The following LDLRAD3 variants were observed in gnomAD, a reference collection of about 807,000 sequenced individuals.
LDLRAD3 encodes low-density lipoprotein receptor class A domain-containing protein 3.
LDLRAD3 carries 20 observed loss-of-function variants against 29.4 expected under a neutral mutation model. The ratio of observed to expected loss-of-function variants is 0.68; its 90% confidence interval spans 0.48 to 0.99. The LOEUF (loss-of-function observed/expected upper bound fraction) is 0.99. LDLRAD3 is among the 50% of genes least tolerant of loss of function. The pLI, the probability that LDLRAD3 is intolerant of heterozygous loss-of-function variation, is 0.00. For synonymous variants in LDLRAD3, 157 were observed against 192.7 expected, an observed-to-expected ratio of 0.81 and a Z score of 1.53; for missense variants, 420 against 454.3, an observed-to-expected ratio of 0.92 and a Z score of 0.69.
At chr11:36,129,059 G>T (rs1245406221) in intron 4 of LDLRAD3, among the ~76,000 whole-genome samples, 1 of 152,100 alleles carries the variant, frequency 6.6e-6, no homozygotes, top group Non-Finnish European at 1.5e-5. Flanking sequence ...CTCAATACTA[G>T]ATTTGATGTT....
At chr11:36,015,773 C>T (rs955818415) in intron 1 of LDLRAD3, among the ~76,000 whole-genome samples, 4 of 152,076 alleles carry the variant, frequency 2.6e-5, no homozygotes, top group East Asian at 1.9e-4. Flanking sequence ...TAGTTTCCAC[C>T]TCATCTTCCA....
At chr11:36,047,098 C>T (rs1349517394) in intron 2 of LDLRAD3, among the ~76,000 whole-genome samples, 1 of 152,168 alleles carries the variant, frequency 6.6e-6, no homozygotes, top group Admixed American at 6.5e-5. Context: ...ACCAGCTCTC[C>T]ACTCTCCAGC....
chr11:36,080,387 A>T (rs1043012300), intron 2 of LDLRAD3, among the ~76,000 whole-genome samples: 3 of 152,226 alleles, frequency 2.0e-5, no homozygotes, highest in Non-Finnish European at 4.4e-5. Context: ...TTTGTGCAGC[A>T]TGAGTGGAAG....
At chr11:36,200,138 C>T (rs1166446081) in intron 4 of LDLRAD3, among the ~76,000 whole-genome samples, 1 of 151,972 alleles carries the variant, frequency 6.6e-6, no homozygotes. Context: ...TGCATTTCAG[C>T]CTGGGTGACA....
At position 36,060,508 on chromosome 11, in the gene LDLRAD3, A is replaced by G. The variant is rs533896406; in HGVS notation, c.194-21145A>G. On this transcript the variant is annotated intron_variant, in intron 2 of 5. Coordinates refer to ENST00000315571, the MANE Select transcript of LDLRAD3 (RefSeq NM_174902.4). ...ACCACAGTGCTTGTTGAGGAAATGA[A>G]TGTGGAATTTGAATGATGAATTCAC... is the stretch of plus-strand genomic sequence containing the variant. 2.6e-5 allele frequency among the ~76,000 whole-genome samples: 4 copies of G among 152,178 alleles called. No homozygotes were observed. In the South Asian group the frequency reaches 6.2e-4, roughly 24 times the overall value.
intron 1 of LDLRAD3, among the ~76,000 whole-genome samples, chr11:35,947,499 T>TAA (rs1233988292): frequency 7.3e-6 from 1 of 136,206 alleles, no homozygotes; most frequent in Non-Finnish European, 1.6e-5. Flanking sequence ...CTGCCTCAAT[T>TAA]AAAAAAAAAA....
At chr11:36,217,085 G>C (rs1421161821) in intron 4 of LDLRAD3, among the ~76,000 whole-genome samples, 1 of 152,174 alleles carries the variant, frequency 6.6e-6, no homozygotes, top group Non-Finnish European at 1.5e-5. Flanking sequence ...AAGAAGAAGG[G>C]AAATTGTGTA....
intron 2 of LDLRAD3, among the ~76,000 whole-genome samples, chr11:36,075,504 T>A (rs1852983267): frequency 6.6e-6 from 1 of 152,166 alleles, no homozygotes; most frequent in Non-Finnish European, 1.5e-5. Context: ...TTCTCCACTG[T>A]CAAGTTACTA....
chr11:35,951,852 C>T (rs1316203261), intron 1 of LDLRAD3, among the ~76,000 whole-genome samples: 1 of 152,210 alleles, frequency 6.6e-6, no homozygotes, highest in Non-Finnish European at 1.5e-5. Context: ...CAAGTTTACC[C>T]AGGCACTGCC....
chr11:36,151,937 T>C (rs1432791245), intron 4 of LDLRAD3, among the ~76,000 whole-genome samples: 1 of 152,178 alleles, frequency 6.6e-6, no homozygotes, highest in Non-Finnish European at 1.5e-5. Context: ...CCCAACACTT[T>C]AGCTGGATGA....
chr11:36,083,698 T>G (rs1853150704), intron 3 of LDLRAD3, among the ~76,000 whole-genome samples: 1 of 151,482 alleles, frequency 6.6e-6, no homozygotes, highest in Non-Finnish European at 1.5e-5. Context: ...CTCTGCTTCC[T>G]GCTGTCCATG....
intron 4 of LDLRAD3, among the ~76,000 whole-genome samples, chr11:36,212,288 C>A (rs1855293063): frequency 6.6e-6 from 1 of 152,030 alleles, no homozygotes; most frequent in Non-Finnish European, 1.5e-5. Flanking sequence ...CAAGTCCCAC[C>A]CCCTTCCCGT....
intron 4 of LDLRAD3, among the ~76,000 whole-genome samples, chr11:36,148,575 G>C (rs1854231561): frequency 6.6e-6 from 1 of 152,160 alleles, no homozygotes; most frequent in Non-Finnish European, 1.5e-5. Flanking sequence ...TAGAGTCATG[G>C]AGTTGGAGGA....
rs1851622275 is a variant in LDLRAD3, at chr11:35,986,918, G to GCTCTAGT, written c.46+42774_46+42775insCTCTAGT. On this transcript the variant is annotated intron_variant, in intron 1 of 5. Coordinates refer to ENST00000315571, the MANE Select transcript of LDLRAD3 (RefSeq NM_174902.4). Reference sequence around the variant, plus strand: ...GGGCCCATTTACTAGAGAAAATGAAGACTTGAGCTCTTCAAAGTCAAGGGC... The same window carrying GCTCTAGT: ...GGGCCCATTTACTAGAGAAAATGAAGCTCTAGTACTTGAGCTCTTCAAAGTCAAGGGC... Among the ~76,000 whole-genome samples the GCTCTAGT allele has an allele frequency of 3.3e-5, 5 of 152,210 alleles. No homozygotes were observed. In the South Asian group the frequency reaches 8.3e-4, roughly 25 times the overall value.
chr11:36,045,349 G>A (rs1232514058), intron 2 of LDLRAD3, among the ~76,000 whole-genome samples: 1 of 152,200 alleles, frequency 6.6e-6, no homozygotes, highest in Non-Finnish European at 1.5e-5. Flanking sequence ...GGTTTTATTA[G>A]TTTCCTAGGG....
At chr11:36,058,197 G>T (rs1040572162) in intron 2 of LDLRAD3, among the ~76,000 whole-genome samples, 1 of 152,008 alleles carries the variant, frequency 6.6e-6, no homozygotes, top group African/African-American at 2.4e-5. Flanking sequence ...CCTGCTCTCC[G>T]CCCGCCAGCT....
chr11:36,135,620 C>T (rs1051012812), intron 4 of LDLRAD3, among the ~76,000 whole-genome samples: 11 of 152,146 alleles, frequency 7.2e-5, no homozygotes, highest in East Asian at 1.9e-4. Context: ...TTTAGAAATC[C>T]GTAAGTGGGG....
chr11:36,144,009 G>A (rs1854129335), intron 4 of LDLRAD3, among the ~76,000 whole-genome samples: 2 of 144,378 alleles, frequency 1.4e-5, no homozygotes, highest in Non-Finnish European at 3.0e-5. Context: ...CTGCCATCTC[G>A]GCTCACTGCA....
rs1231892035 is a variant in LDLRAD3, at chr11:36,093,350, C to A, written c.320-4977C>A. On this transcript the variant is annotated intron_variant, in intron 3 of 5. Transcript: ENST00000315571. ...TACCAAATATAATTAGAAATCTCAG[C>A]CATACGTCTTTGGGATCTTCTCTTT... 2.0e-5 allele frequency among the ~76,000 whole-genome samples: 3 copies of A among 152,058 alleles called. No individual in the cohort carries two copies. In the South Asian group the frequency reaches 6.2e-4, roughly 32 times the overall value.
Sources: gnomAD v4.1 joint callset for allele counts (sites outside exome capture counted in the v4.1 genomes callset) on GRCh38, gnomAD v4.1.1 for gene constraint, MANE v1.5 for transcripts, NCBI Gene and HGNC (gene_info 2026-07-23, HGNC 2026-07-21) for gene names.